CHRM3: variants seen among roughly 807,000 people sequenced by gnomAD.
CHRM3 encodes muscarinic acetylcholine receptor M3.
Under a neutral mutation model 41.8 loss-of-function variants are expected in CHRM3, and 11 were observed. The ratio of observed to expected loss-of-function variants is 0.26; its 90% CI spans 0.17 to 0.44. CHRM3 has a LOEUF of 0.44. Among genes scored for constraint, CHRM3 ranks in the 20% least tolerant of loss-of-function variants. The probability of loss-of-function intolerance (pLI) is 1.00; values close to 1 mark genes in which losing one functional copy is unlikely to be tolerated. For synonymous variants in CHRM3, 297 were observed against 301.4 expected (o/e 0.99, Z 0.15); for missense variants, 571 against 745.4 (o/e 0.77, Z 2.72).
chr1:239,572,143 A>G (rs776248055), intron 3 of CHRM3, among the ~76,000 whole-genome samples: 27 of 152,186 alleles, frequency 1.8e-4, no homozygotes, highest in Non-Finnish European at 3.7e-4. Context: ...AAGCTTGTGC[A>G]AGTTAAAATC....
At chr1:239,611,005 C>T (rs142490247) in intron 3 of CHRM3, among the ~76,000 whole-genome samples, 1,757 of 152,076 alleles carry the variant, frequency 0.012, 31 homozygotes, top group African/African-American at 0.04. Context: ...GAGCCAAGAT[C>T]GCGCCACTGC....
Position 239,910,879 on chromosome 1 carries a change from A to G in CHRM3, c.*1655A>G, listed in dbSNP as rs191934322. 5.5e-3 allele frequency: 926 copies of G among 167,220 alleles called. 2 individuals carry two copies. Among genetic ancestry groups the G allele is most frequent in the Middle Eastern group, 0.017 (5 of 296 alleles). 10.4% of individuals were successfully genotyped at this position (167,220 alleles called of 1,614,324 possible). Reference sequence around the variant, plus strand: ...GTTTACAGACGACTTTGACAACAGTAGAAGTGTACTCAGTGGTGTCTGTGT... The same window carrying G: ...GTTTACAGACGACTTTGACAACAGTGGAAGTGTACTCAGTGGTGTCTGTGT... On this transcript the variant is annotated 3_prime_UTR_variant, in exon 7 of 7. Coordinates refer to ENST00000676153, the MANE Select transcript of CHRM3 (RefSeq NM_001375978.1).
intron 1 of CHRM3, among the ~76,000 whole-genome samples, chr1:239,401,412 C>T (rs893784312): frequency 1.3e-5 from 2 of 152,134 alleles, no homozygotes; most frequent in Non-Finnish European, 2.9e-5. Context: ...TTAAAGTACA[C>T]TTTTTCTTAC....
At chr1:239,647,216 T>C (rs913418338) in intron 4 of CHRM3, among the ~76,000 whole-genome samples, 9 of 152,180 alleles carry the variant, frequency 5.9e-5, no homozygotes, top group African/African-American at 2.2e-4. Context: ...AATTCCTTCA[T>C]CTTCTCTTCA....
chr1:239,888,083 C>T (rs1226883676), intron 6 of CHRM3, among the ~76,000 whole-genome samples: 1 of 152,130 alleles, frequency 6.6e-6, no homozygotes, highest in Admixed American at 6.5e-5. Flanking sequence ...CATTCTGACA[C>T]CAACAGTCAT....
intron 3 of CHRM3, among the ~76,000 whole-genome samples, chr1:239,557,767 G>C (rs573570619): frequency 6.6e-6 from 1 of 152,256 alleles, no homozygotes; most frequent in East Asian, 1.9e-4. Flanking sequence ...TTAGTTTGCT[G>C]AGGATAATGG....
At chr1:239,752,200 A>AGC (rs2148586569) in intron 5 of CHRM3, among the ~76,000 whole-genome samples, 1 of 152,342 alleles carries the variant, frequency 6.6e-6, no homozygotes, top group East Asian at 1.9e-4. Flanking sequence ...CAGACATGGA[A>AGC]GCAGCGCCCA....
chr1:239,720,084 T>C (rs911944971), intron 5 of CHRM3: 2 of 151,868 alleles, frequency 1.3e-5, no homozygotes, highest in African/African-American at 4.8e-5. Context: ...TAGCAGTAAG[T>C]TTACAGAGCA....
At position 239,907,808 on chromosome 1, in the gene CHRM3, C is replaced by A; in HGVS notation, c.357C>A (p.Val119=). 6.2e-7 allele frequency: 1 copy of A among 1,614,202 alleles called. No homozygotes were observed. Among genetic ancestry groups the A allele is most frequent in the South Asian group, 1.1e-5 (1 of 91,080 alleles). The change falls in exon 7 of 7, where the codon GTC becomes GTA. Residue 119 remains valine (V), a synonymous_variant. Coordinates refer to ENST00000676153, the MANE Select transcript of CHRM3 (RefSeq NM_001375978.1). This position sits in a 1 kb window ranked among gnomAD's most constrained non-coding sequence, Gnocchi z 5.4. ...CCTGTGCCGATCTGATTATCGGGGTCATTTCAATGAATCTGTTTACGACCT... is the reference window on the plus strand; with the variant it reads ...CCTGTGCCGATCTGATTATCGGGGTAATTTCAATGAATCTGTTTACGACCT... ...SLACADLIIG[V]ISMNLFTTYI... is the part of the protein sequence containing the mutation.
At chr1:239,807,818 G>T (rs1039766206) in intron 5 of CHRM3, among the ~76,000 whole-genome samples, 1 of 148,438 alleles carries the variant, frequency 6.7e-6, no homozygotes, top group Non-Finnish European at 1.5e-5. Flanking sequence ...TTTGCTTTGC[G>T]CACACACACA....
intron 1 of CHRM3, among the ~76,000 whole-genome samples, chr1:239,454,185 C>A (rs541868749): frequency 1.4e-4 from 21 of 152,258 alleles, no homozygotes; most frequent in Middle Eastern, 6.8e-3. Flanking sequence ...GACTCTCCCC[C>A]ACTTCCAATG....
intron 3 of CHRM3, among the ~76,000 whole-genome samples, chr1:239,598,306 C>T (rs923467919): frequency 6.6e-6 from 1 of 151,986 alleles, no homozygotes; most frequent in African/African-American, 2.4e-5. Flanking sequence ...AAACAAGAAG[C>T]GTGTTATTCC....
chr1:239,737,201 G>T (rs1382089898), intron 5 of CHRM3, among the ~76,000 whole-genome samples: 1 of 152,032 alleles, frequency 6.6e-6, no homozygotes, highest in African/African-American at 2.4e-5. Context: ...TTTATTAGAA[G>T]AATTTTCATC....
rs1369827075 is a variant in CHRM3 at position 239,914,046 on chromosome 1, T to C, written c.*4822T>C. 2 of 167,018 alleles carry C rather than the reference T, an allele frequency of 1.2e-5. No individual in the cohort carries two copies. The highest frequency in any genetic ancestry group is 1.5e-5 in the Non-Finnish European group (1 of 68,116). 10.3% of individuals were successfully genotyped at this position (167,018 alleles called of 1,614,324 possible). On this transcript the variant is annotated 3_prime_UTR_variant, in exon 7 of 7. Transcript: ENST00000676153. ...TTCTATTTAAAAGATAAAGGGGCCA[T>C]ACTCTCCACTGCAAAGAAGCATTAG...
chr1:239,506,242 G>C (rs1215022995), intron 2 of CHRM3, among the ~76,000 whole-genome samples: 1 of 152,114 alleles, frequency 6.6e-6, no homozygotes, highest in Non-Finnish European at 1.5e-5. Flanking sequence ...ATGTCTCCAG[G>C]GCTTGTCAGA....
chr1:239,785,741 C>T (rs1218870102), intron 5 of CHRM3, among the ~76,000 whole-genome samples: 3 of 151,334 alleles, frequency 2.0e-5, no homozygotes, highest in African/African-American at 4.9e-5. Flanking sequence ...TTAGTTTCTT[C>T]GTGGAAAAAA....
At chr1:239,642,575 G>A (rs1281531961) in intron 4 of CHRM3, among the ~76,000 whole-genome samples, 3 of 152,148 alleles carry the variant, frequency 2.0e-5, no homozygotes, top group African/African-American at 7.2e-5. Context: ...TGAGGCTTCT[G>A]CATTCTTCAC....
chr1:239,755,648 C>T (rs56148518), intron 5 of CHRM3, among the ~76,000 whole-genome samples: 4 of 152,106 alleles, frequency 2.6e-5, no homozygotes, highest in East Asian at 1.9e-4. Context: ...CCAGGAGGGT[C>T]GGAGACCAGG....
chr1:239,877,330 C>T (rs1313031293), intron 6 of CHRM3, among the ~76,000 whole-genome samples: 1 of 151,730 alleles, frequency 6.6e-6, no homozygotes, highest in Non-Finnish European at 1.5e-5. Context: ...GCCTGTAGTC[C>T]CAGCTAATAG....
Sources: gnomAD v4.1 joint callset for allele counts (sites outside exome capture counted in the v4.1 genomes callset) on GRCh38, gnomAD v4.1.1 for gene constraint, Gnocchi (gnomAD v3.1) non-coding constraint, MANE v1.5 for transcripts, NCBI Gene and HGNC (gene_info 2026-07-23, HGNC 2026-07-21) for gene names.